The following LHFPL3 variants were observed in gnomAD, a reference collection of about 807,000 sequenced individuals.
LHFPL3 encodes the protein LHFPL tetraspan subfamily member 3.
A neutral mutation model predicts 19.3 loss-of-function variants in LHFPL3; 5 were observed. The observed-to-expected ratio is 0.26, with a 90% confidence interval of 0.14 to 0.54. LHFPL3 has a LOEUF of 0.54. Among genes scored for constraint, LHFPL3 ranks in the 20% least tolerant of loss-of-function variants. The pLI is 0.94. For synonymous variants in LHFPL3, 133 were observed against 126.2 expected (o/e 1.05, Z -0.36); for missense variants, 249 against 307.4 (o/e 0.81, Z 1.42).
At chr7:104,898,328 G>A (rs2116721928) in intron 2 of LHFPL3, among the ~76,000 whole-genome samples, 1 of 152,044 alleles carries the variant, frequency 6.6e-6, no homozygotes, top group East Asian at 1.9e-4. Context: ...CTTTTATATA[G>A]CCAGTACCAC....
At chr7:104,855,626 TTTC>T (rs1343449046) in intron 2 of LHFPL3, among the ~76,000 whole-genome samples, 2 of 91,238 alleles carry the variant, frequency 2.2e-5, no homozygotes, top group African/African-American at 5.7e-5. Flanking sequence ...CAGATTTTTC[TTTC>T]TTTTTTTTTT....
Position 104,832,958 on chromosome 7 carries a change from A to ATG in LHFPL3, c.683-73227_683-73226dup, listed in dbSNP as rs1420509429. On this transcript the variant is annotated intron_variant, in intron 2 of 2. Transcript: ENST00000424859. ...TCTCTAGAGGGACAGAACTAATAGG[A>ATG]TGTATATATATATATATATCCTGGG... is the stretch of plus-strand genomic sequence containing the variant. Among the ~76,000 whole-genome samples, 9 of 66,862 alleles carry ATG rather than the reference A, an allele frequency of 1.3e-4. 1 individual carries two copies. The highest frequency in any genetic ancestry group is 5.7e-4 in the African/African-American group (8 of 14,048). 43.9% of individuals were successfully genotyped at this position (66,862 alleles called of 152,430 possible).
At chr7:104,669,498 G>A (rs1428532138) in intron 1 of LHFPL3, 2 of 1,612,074 alleles carry the variant, frequency 1.2e-6, no homozygotes, top group African/African-American at 1.3e-5. Context: ...CAGCTTCCAA[G>A]TTCAGTTCTG....
chr7:104,485,143 A>G (rs1456205509), intron 1 of LHFPL3, among the ~76,000 whole-genome samples: 1 of 152,292 alleles, frequency 6.6e-6, no homozygotes, highest in East Asian at 1.9e-4. Flanking sequence ...ATTTAAAAAT[A>G]TACAGTGAAA....
chr7:104,695,666 A>G (rs1167443146), intron 1 of LHFPL3, among the ~76,000 whole-genome samples: 2 of 152,186 alleles, frequency 1.3e-5, no homozygotes, highest in Admixed American at 6.5e-5. Flanking sequence ...TAGGGTGACA[A>G]GAGGAAGGGA....
chr7:104,451,233 G>A (rs887708140), intron 1 of LHFPL3, among the ~76,000 whole-genome samples: 2 of 152,122 alleles, frequency 1.3e-5, no homozygotes, highest in Non-Finnish European at 1.5e-5. Context: ...AGAAAAGAAG[G>A]GATACCACTA....
chr7:104,893,139 A>G (rs1327831116), intron 2 of LHFPL3, among the ~76,000 whole-genome samples: 1 of 151,994 alleles, frequency 6.6e-6, no homozygotes, highest in Non-Finnish European at 1.5e-5. Context: ...ACTTGAGCCC[A>G]AGAGTTCGAG....
intron 1 of LHFPL3, among the ~76,000 whole-genome samples, chr7:104,457,278 C>T (rs1045956858): frequency 6.6e-6 from 1 of 150,982 alleles, no homozygotes; most frequent in East Asian, 2.0e-4. Flanking sequence ...CATCCCCCCA[C>T]CCCACAACAG....
chr7:104,854,288 T>C (rs1478941052), intron 2 of LHFPL3, among the ~76,000 whole-genome samples: 3 of 152,214 alleles, frequency 2.0e-5, no homozygotes, highest in Admixed American at 6.5e-5. Flanking sequence ...TTATCCATAT[T>C]TGAGTGCATT....
intron 1 of LHFPL3, among the ~76,000 whole-genome samples, chr7:104,455,155 G>T (rs918476640): frequency 2.6e-5 from 4 of 152,144 alleles, no homozygotes; most frequent in African/African-American, 9.7e-5. Context: ...TGATGTATAG[G>T]CAGCCCTGTT....
In LHFPL3 at chr7:104,594,824, C is replaced by G. The variant is rs567385155; in HGVS notation, c.446-141851C>G. On this transcript the variant is annotated intron_variant, in intron 1 of 2. Coordinates refer to ENST00000424859, the MANE Select transcript of LHFPL3 (RefSeq NM_199000.3). ...ACTGATACCCTTTCTTCCACTTGAT[C>G]AAATCAGCTATTGAAGCTTGTGCAT... Among the ~76,000 whole-genome samples, 22 of 152,236 alleles carry G rather than the reference C, an allele frequency of 1.4e-4. No individual in the cohort carries two copies. The East Asian group carries it at 4.0e-3, about 28-fold the overall frequency.
At chr7:104,879,089 G>C (rs903404030) in intron 2 of LHFPL3, among the ~76,000 whole-genome samples, 7 of 152,306 alleles carry the variant, frequency 4.6e-5, no homozygotes, top group African/African-American at 1.7e-4. Flanking sequence ...AGTTCATGAA[G>C]CTTAAGGAAA....
chr7:104,349,934 T>G (rs6958831), intron 1 of LHFPL3, among the ~76,000 whole-genome samples: 25,638 of 152,176 alleles, frequency 0.17, 2,623 homozygotes, highest in East Asian at 0.32. Flanking sequence ...CGAAGCTAGT[T>G]CCTTTTGCCC....
intron 1 of LHFPL3, among the ~76,000 whole-genome samples, chr7:104,446,251 T>C (rs1247950485): frequency 6.6e-6 from 1 of 152,204 alleles, no homozygotes; most frequent in Non-Finnish European, 1.5e-5. Flanking sequence ...AATGGTCTCT[T>C]ATAGGAGGAA....
chr7:104,343,549 A>AAAAAAAC (rs1790002291), intron 1 of LHFPL3, among the ~76,000 whole-genome samples: 1 of 126,310 alleles, frequency 7.9e-6, no homozygotes, highest in Non-Finnish European at 1.7e-5. Flanking sequence ...AAAAAAAAAA[A>AAAAAAAC]AAGCCAAGCT....
rs145156022 is a variant in LHFPL3, at chr7:104,607,373, T to C, written c.446-129302T>C. ...GACTGCACAAGTGTGCAGTTTCATT[T>C]TGATGGTCTCAAAAGAGTTGTCTGC... On this transcript the variant is annotated intron_variant, in intron 1 of 2. Coordinates refer to ENST00000424859, the MANE Select transcript of LHFPL3 (RefSeq NM_199000.3). Among the ~76,000 whole-genome samples, 8 of 152,352 alleles carry C rather than the reference T, an allele frequency of 5.3e-5. No individual in the cohort carries two copies. In the East Asian group the frequency reaches 9.6e-4, roughly 18 times the overall value.
At chr7:104,672,793 C>T (rs527601095) in intron 1 of LHFPL3, among the ~76,000 whole-genome samples, 261 of 152,292 alleles carry the variant, frequency 1.7e-3, no homozygotes, top group Middle Eastern at 3.4e-3. Flanking sequence ...TGTTTTCCTT[C>T]ACCTGCATCT....
At chr7:104,498,433 A>G (rs1044363455) in intron 1 of LHFPL3, among the ~76,000 whole-genome samples, 1 of 151,884 alleles carries the variant, frequency 6.6e-6, no homozygotes, top group Admixed American at 6.6e-5. Context: ...TTTAATCGCC[A>G]GTGAATTTCA....
intron 1 of LHFPL3, among the ~76,000 whole-genome samples, chr7:104,611,168 C>T (rs1791207065): frequency 6.6e-6 from 1 of 152,114 alleles, no homozygotes; most frequent in Non-Finnish European, 1.5e-5. Context: ...GTGATGATAG[C>T]AGATAAATTT....
Sources: allele counts gnomAD v4.1 joint callset (sites outside exome capture counted in the v4.1 genomes callset), GRCh38; gene constraint gnomAD v4.1.1; transcripts MANE v1.5; gene names NCBI Gene and HGNC (gene_info 2026-07-23, HGNC 2026-07-21).